GGT1: variants seen among roughly 807,000 people sequenced by gnomAD.
The protein encoded by GGT1 is glutathione hydrolase 1 proenzyme.
In GGT1, 21 loss-of-function variants were observed where a neutral mutation model predicts 56.0. The ratio of observed to expected loss-of-function variants is 0.38; its 90% confidence interval spans 0.27 to 0.54. The LOEUF is 0.54. Ranked by LOEUF, GGT1 falls within the 20% of genes least tolerant of loss-of-function variation. The pLI is 0.82. For missense variants in GGT1, 466 were observed against 787.0 expected (o/e 0.59, Z 4.88); for synonymous variants, 238 against 342.6 (o/e 0.69, Z 3.37).
chr22:24,586,164 T>A, the GGT1 span: 1 of 1,613,450 alleles, frequency 6.2e-7, no homozygotes, highest in Admixed American at 1.7e-5. Flanking sequence ...TTGCGGGCAG[T>A]GGCCCGCGTC....
the GGT1 span, chr22:24,588,307 G>T: frequency 2.5e-6 from 4 of 1,613,202 alleles, no homozygotes; most frequent in South Asian, 4.4e-5. Flanking sequence ...GATCTTGTCC[G>T]AGGACTTCCA....
upstream of GGT1, chr22:24,592,970 C>G: frequency 8.5e-7 from 1 of 1,174,068 alleles, no homozygotes; most frequent in Non-Finnish European, 1.1e-6. Flanking sequence ...GGCGCGGGCC[C>G]GCAGCCGGCC....
rs375956048 is a variant in GGT1 at position 24,615,110 on chromosome 22, C to G, written c.365C>G (p.Ser122Trp). The part of the protein sequence containing the change: ...RLAFATMFNS[S>W]EQSQKGGLSV... ...GCCTTTGCCACCATGTTCAACAGCT[C>G]GGAGCAGTCCCAGAAGGGTAAGCCA... Residue 122 changes from serine to tryptophan, a missense_variant, in exon 7 of 16, where the codon TCG becomes TGG. Around this residue, in one of 2 missense-constraint regions of GGT1, gnomAD observed 456 missense variants for 716.7 expected, o/e 0.64. Coordinates refer to ENST00000400382, the MANE Select transcript of GGT1 (RefSeq NM_001288833.2). 1.9e-4 allele frequency: 300 copies of G among 1,611,376 alleles called. 2 individuals are homozygous for G. The highest frequency in any genetic ancestry group is 2.1e-4 in the Non-Finnish European group (248 of 1,179,318).
chr22:24,596,648 C>T (rs1339691172), intron 1 of GGT1, among the ~76,000 whole-genome samples: 4 of 151,148 alleles, frequency 2.6e-5, no homozygotes, highest in Non-Finnish European at 1.5e-5. Context: ...GCCTGTAATC[C>T]CAGCACTTTT....
In GGT1 at chr22:24,620,898, C is replaced by T. The variant is rs1205264854; in HGVS notation, c.576-15C>T. 1.3e-5 allele frequency: 21 copies of T among 1,611,272 alleles called. No homozygotes were observed. The highest frequency in any genetic ancestry group is 2.2e-5 in the East Asian group (1 of 44,886). ...CACCCCACCTGCTGCCTCACATGAG[C>T]CCCCTCTGCCCCAGTGAGGTGTTCT... On this transcript the variant is annotated splice_polypyrimidine_tract_variant and intron_variant, in intron 8 of 15. Coordinates refer to ENST00000400382, the MANE Select transcript of GGT1 (RefSeq NM_001288833.2). The surrounding 1 kb of genome is among the most constrained non-coding windows in gnomAD (Gnocchi z 5.6).
upstream of GGT1, chr22:24,599,109 T>A (rs2045741578): frequency 6.6e-6 from 1 of 152,108 alleles, no homozygotes; most frequent in Admixed American, 6.5e-5. Context: ...AGATGCATTT[T>A]AGTAAAAACA....
chr22:24,613,462 G>A lies in GGT1; in HGVS notation c.165-1314G>A, dbSNP rs1289498506. On this transcript the variant is annotated intron_variant, in intron 5 of 15. Transcript: ENST00000400382. ...GTACATTTGTTTGCTTGATAAAGAG[G>A]AAACTGTCTGGGCAAGGTGGTCCAC... Among the ~76,000 whole-genome samples, 4 of 152,262 alleles carry A rather than the reference G, an allele frequency of 2.6e-5. No individual in the cohort carries two copies. In the East Asian group the frequency reaches 7.7e-4, roughly 29 times the overall value.
chr22:24,605,693 TATATTTA>T (rs1274121557), intron 1 of GGT1, among the ~76,000 whole-genome samples: 3 of 71,066 alleles, frequency 4.2e-5, no homozygotes, highest in South Asian at 4.3e-4. Flanking sequence ...ATGTGTATTA[TATATTTA>T]ATATTATATA....
chr22:24,589,173 G>A, the GGT1 span: 8 of 1,175,564 alleles, frequency 6.8e-6, no homozygotes, highest in Non-Finnish European at 8.6e-6. Flanking sequence ...AGGAGTCTGG[G>A]TCCGGTGGCT....
intron 1 of GGT1, among the ~76,000 whole-genome samples, chr22:24,605,746 G>A (rs1293643482): frequency 1.4e-5 from 1 of 71,082 alleles, no homozygotes; most frequent in East Asian, 4.1e-4. Flanking sequence ...TATATAATGT[G>A]TATTATATAT....
At chr22:24,614,061 G>A (rs1208496602) in intron 5 of GGT1, among the ~76,000 whole-genome samples, 1 of 151,820 alleles carries the variant, frequency 6.6e-6, no homozygotes, top group Non-Finnish European at 1.5e-5. Flanking sequence ...TAAAACAAAG[G>A]CTGGGCACAG....
At chr22:24,611,921 C>T (rs2046731219) in intron 5 of GGT1, among the ~76,000 whole-genome samples, 1 of 152,132 alleles carries the variant, frequency 6.6e-6, no homozygotes, top group African/African-American at 2.4e-5. Flanking sequence ...ATTCTCCTGC[C>T]TCAGCCTCCA....
chr22:24,616,659 C>T (rs984655711), intron 7 of GGT1, among the ~76,000 whole-genome samples: 57 of 151,244 alleles, frequency 3.8e-4, no homozygotes, highest in African/African-American at 1.3e-3. Context: ...ATTCTCCTGC[C>T]TCAGCCTCCC....
intron 11 of GGT1, chr22:24,627,072 T>C (rs975366548): frequency 6.1e-6 from 3 of 493,292 alleles, no homozygotes; most frequent in African/African-American, 6.0e-5. Context: ...TGTGTGTTTG[T>C]TTTTCTTGGC....
At chr22:24,607,746 T>C (rs2046412064) in intron 1 of GGT1, 1 of 311,566 alleles carries the variant, frequency 3.2e-6, no homozygotes, top group African/African-American at 2.2e-5. Context: ...AGCTCATGAG[T>C]CCTCTGGCCG....
Position 24,623,989 on chromosome 22 carries a change from G to A in GGT1, c.1020+73G>A, listed in dbSNP as rs575353765. 9.3e-3 allele frequency: 14,888 copies of A among 1,592,810 alleles called. 77 individuals carry two copies. Among genetic ancestry groups the A allele is most frequent in the Non-Finnish European group, 0.011 (12,883 of 1,170,624 alleles). On this transcript the variant is annotated intron_variant, in intron 11 of 15. Transcript: ENST00000400382. Reference sequence around the variant, plus strand: ...GGCATCAGGTGGGCTCCCCAGGGTGGCTACAGCCTCACATATGCTTTATGA... The same window carrying A: ...GGCATCAGGTGGGCTCCCCAGGGTGACTACAGCCTCACATATGCTTTATGA...
intron 7 of GGT1, among the ~76,000 whole-genome samples, chr22:24,618,578 A>C (rs2047212268): frequency 6.6e-6 from 1 of 152,204 alleles, no homozygotes; most frequent in Non-Finnish European, 1.5e-5. Context: ...GAGACAGAGC[A>C]AGACTCCATC....
chr22:24,611,262 A>G lies in GGT1; in HGVS notation c.164+17A>G. The G allele has an allele frequency of 6.8e-7, 1 of 1,477,672 alleles. No homozygotes were observed. The highest frequency in any genetic ancestry group is 2.4e-4 in the Middle Eastern group (1 of 4,214). The allele number at this position is 1,477,672 out of a possible 1,614,324, so 91.5% of individuals were successfully genotyped here. ...GATTGGGAGGTGAGCAGGGCAGGGC[A>G]TGGGACATGGGCCCTGAAAACTGGG... On this transcript the variant is annotated intron_variant, in intron 5 of 15. Transcript: ENST00000400382.
At chr22:24,588,235 C>CTTCA in the GGT1 span, 1 of 1,613,146 alleles carries the variant, frequency 6.2e-7, no homozygotes, top group East Asian at 2.2e-5. Context: ...CTTCCTCTGG[C>CTTCA]GCAGGCTGGA....
Sources: allele counts gnomAD v4.1 joint callset (sites outside exome capture counted in the v4.1 genomes callset), GRCh38; gene constraint gnomAD v4.1.1; regional missense constraint gnomAD v4.1.1; non-coding constraint Gnocchi (gnomAD v3.1); transcripts MANE v1.5; gene names NCBI Gene and HGNC (gene_info 2026-07-23, HGNC 2026-07-21).